Variants in KIF7 observed in about 807,000 individuals in gnomAD.
KIF7 encodes the protein kinesin family member 7, also known as kinesin-like protein KIF7.
KIF7 carries 104 observed loss-of-function variants against 135.7 expected under a neutral mutation model. The observed-to-expected ratio is 0.77, with a 90% CI of 0.65 to 0.90. KIF7 has a LOEUF of 0.90. Ranked by LOEUF, KIF7 falls within the 40% of genes least tolerant of loss-of-function variation. The probability of loss-of-function intolerance (pLI) is 0.00; values close to 1 mark genes in which losing one functional copy is unlikely to be tolerated. For synonymous variants in KIF7, 883 were observed against 809.4 expected, an observed-to-expected ratio of 1.09 and a Z score of -1.54; for missense variants, 2,005 against 1,839.1, an observed-to-expected ratio of 1.09 and a Z score of -1.65.
At chr15:89,651,392 C>T (rs1023170167) in intron 2 of KIF7, among the ~76,000 whole-genome samples, 1 of 152,252 alleles carries the variant, frequency 6.6e-6, no homozygotes, top group Admixed American at 6.5e-5. Flanking sequence ...GCCACCACGC[C>T]CGGCTCAGTT....
At chr15:89,637,084 G>A (rs1239258584) in intron 11 of KIF7, among the ~76,000 whole-genome samples, 6 of 93,740 alleles carry the variant, frequency 6.4e-5, no homozygotes, top group Admixed American at 1.2e-4. Flanking sequence ...TGACTACTGG[G>A]TACATAACGA....
intron 11 of KIF7, among the ~76,000 whole-genome samples, chr15:89,641,795 T>C (rs534304707): frequency 3.3e-5 from 5 of 152,226 alleles, no homozygotes; most frequent in Admixed American, 2.6e-4. Flanking sequence ...AGTGAGACTC[T>C]GTCTCAAAGA....
intron 12 of KIF7, among the ~76,000 whole-genome samples, chr15:89,633,484 C>T (rs1963730954): frequency 6.6e-6 from 1 of 152,238 alleles, no homozygotes; most frequent in African/African-American, 2.4e-5. Context: ...TCATATACCT[C>T]ATCTCACTGA....
At chr15:89,646,450 C>T (rs909780618) in intron 7 of KIF7, among the ~76,000 whole-genome samples, 2 of 152,118 alleles carry the variant, frequency 1.3e-5, no homozygotes, top group African/African-American at 2.4e-5. Flanking sequence ...ACAAGGTTCC[C>T]CACGTGGAAA....
intron 1 of KIF7, among the ~76,000 whole-genome samples, chr15:89,622,854 A>G (rs1963449264): frequency 1.3e-5 from 2 of 152,114 alleles, no homozygotes; most frequent in South Asian, 4.1e-4. Flanking sequence ...CCGACACCCA[A>G]GCTTGAAGAC....
chr15:89,641,114 T>C (rs1963912383), intron 11 of KIF7, among the ~76,000 whole-genome samples: 1 of 152,094 alleles, frequency 6.6e-6, no homozygotes. Context: ...TATGACTGCG[T>C]TTGTAAAGAA....
At chr15:89,635,116 C>T (rs1963777511) in intron 11 of KIF7, among the ~76,000 whole-genome samples, 1 of 151,704 alleles carries the variant, frequency 6.6e-6, no homozygotes, top group African/African-American at 2.4e-5. Context: ...AGCTGAGGGT[C>T]CTGTATGTTA....
At chr15:89,625,453 C>A (rs907088139), downstream of KIF7, 13 of 1,613,908 alleles carry the variant, frequency 8.1e-6, no homozygotes, top group African/African-American at 1.2e-4. Flanking sequence ...GAGCCTGTCA[C>A]TGCTTGAGTC....
At chr15:89,635,935 C>T (rs867288886) in intron 11 of KIF7, among the ~76,000 whole-genome samples, 4,463 of 151,974 alleles carry the variant, frequency 0.029, 211 homozygotes, top group African/African-American at 0.1. Flanking sequence ...AGAGAAAGGT[C>T]GGGTTACCCA....
intron 1 of KIF7, chr15:89,621,317 G>A (rs960540922): frequency 1.0e-5 from 15 of 1,470,048 alleles, no homozygotes; most frequent in South Asian, 1.3e-5. Context: ...CACCATGCGT[G>A]GCTGGCTGTT....
downstream of KIF7, chr15:89,626,061 G>A: frequency 6.2e-7 from 1 of 1,613,750 alleles, no homozygotes; most frequent in Non-Finnish European, 8.5e-7. Context: ...AGACCCCAGA[G>A]GTAATGTTTG....
At chr15:89,624,308 C>T (rs746304041), downstream of KIF7, 3 of 1,614,052 alleles carry the variant, frequency 1.9e-6, no homozygotes, top group Non-Finnish European at 2.5e-6. Flanking sequence ...ATAGAGTGTC[C>T]TTCCCCAGGA....
chr15:89,649,460 C>G, intron 3 of KIF7, 93 bp from the exon 4 acceptor site: 1 of 1,355,484 alleles, frequency 7.4e-7, no homozygotes, highest in East Asian at 2.5e-5. Flanking sequence ...CCAAACCTGC[C>G]CTTCCTGACC....
At position 89,649,187 on chromosome 15, in the gene KIF7, C is replaced by A. The variant is rs529571444; in HGVS notation, c.710G>T (p.Arg237Leu). The A allele has an allele frequency of 1.8e-4, 281 of 1,546,276 alleles. 2 individuals carry two copies. The African/African-American group carries it at 3.4e-3, about 19-fold the overall frequency. The change falls in exon 4 of 19, where the codon CGC becomes CTC. Residue 237 changes from arginine (R) to leucine (L), a missense_variant. Coordinates refer to ENST00000394412, the MANE Select transcript of KIF7 (RefSeq NM_198525.3). The part of the protein sequence containing the change: ...QRGRAPSRLP[R>L]PAPGQLLVSK... ...GACGAGCAGCTGGCCCGGGGCGGGG[C>A]GGGGTAGGCGGCTGGGGGCGCGCCC...
upstream of KIF7, among the ~76,000 whole-genome samples, chr15:89,656,563 T>A (rs1964209588): frequency 6.6e-6 from 1 of 152,068 alleles, no homozygotes; most frequent in Admixed American, 6.5e-5. Context: ...GCAATACCAG[T>A]GTGAGACAGC....
intron 11 of KIF7, among the ~76,000 whole-genome samples, chr15:89,636,106 T>TA (rs1354368491): frequency 6.6e-6 from 1 of 152,042 alleles, no homozygotes; most frequent in Non-Finnish European, 1.5e-5. Context: ...AGAAATAAAA[T>TA]ACTTTACAGA....
the KIF7 span, among the ~76,000 whole-genome samples, chr15:89,662,193 T>C: frequency 1.3e-4 from 20 of 152,108 alleles, no homozygotes; most frequent in Non-Finnish European, 2.4e-4. Flanking sequence ...GATATTAAGA[T>C]CCTAGATAAT....
intron 10 of KIF7, among the ~76,000 whole-genome samples, chr15:89,644,320 T>A (rs56224521): frequency 0.28 from 42,007 of 151,974 alleles, 6,583 homozygotes; most frequent in South Asian, 0.38. Context: ...CACTGTGTGC[T>A]CCCCAGGACT....
At chr15:89,622,650 C>T (rs1465195740) in intron 1 of KIF7, among the ~76,000 whole-genome samples, 1 of 152,190 alleles carries the variant, frequency 6.6e-6, no homozygotes, top group African/African-American at 2.4e-5. Flanking sequence ...AGTCTCCTCC[C>T]CCAGGCAGGC....
Sources: allele counts gnomAD v4.1 joint callset (sites outside exome capture counted in the v4.1 genomes callset), GRCh38; gene constraint gnomAD v4.1.1; transcripts MANE v1.5; gene names NCBI Gene and HGNC (gene_info 2026-07-23, HGNC 2026-07-21).